EXOC4: variants seen among roughly 807,000 people sequenced by gnomAD.
The protein encoded by EXOC4 is SEC8-like 1.
In EXOC4, 71 loss-of-function variants were observed where a neutral mutation model predicts 107.2. The ratio of observed to expected loss-of-function variants is 0.66; its 90% CI spans 0.55 to 0.81. EXOC4 has a LOEUF of 0.81. EXOC4 is among the 30% of genes least tolerant of loss of function. The pLI, the probability that EXOC4 is intolerant of heterozygous loss-of-function variation, is 0.00. For synonymous variants in EXOC4, 456 were observed against 441.2 expected (o/e 1.03, Z -0.42); for missense variants, 1,108 against 1,189.6 (o/e 0.93, Z 1.01).
intron 11 of EXOC4, among the ~76,000 whole-genome samples, chr7:133,867,498 G>T (rs1798665869): frequency 6.6e-6 from 1 of 152,126 alleles, no homozygotes; most frequent in South Asian, 2.1e-4. Flanking sequence ...TTTTAGGGGG[G>T]CATTTCTTGG....
intron 17 of EXOC4, among the ~76,000 whole-genome samples, chr7:134,028,582 G>A (rs1358859897): frequency 2.6e-5 from 4 of 152,190 alleles, no homozygotes; most frequent in African/African-American, 9.7e-5. Flanking sequence ...GTGGAGGGTG[G>A]CTGGACTTCT....
chr7:133,679,721 A>G (rs1450320769), intron 10 of EXOC4, among the ~76,000 whole-genome samples: 1 of 152,228 alleles, frequency 6.6e-6, no homozygotes, highest in Non-Finnish European at 1.5e-5. Flanking sequence ...TGACATTGCC[A>G]GTCATTATTT....
intron 14 of EXOC4, among the ~76,000 whole-genome samples, chr7:133,972,107 T>A (rs1801255799): frequency 6.6e-6 from 1 of 152,212 alleles, no homozygotes; most frequent in Non-Finnish European, 1.5e-5. Flanking sequence ...TCTGAGCTAA[T>A]TAGAAAACTA....
intron 14 of EXOC4, among the ~76,000 whole-genome samples, chr7:133,974,035 G>A (rs1428580381): frequency 6.6e-6 from 1 of 152,152 alleles, no homozygotes; most frequent in Non-Finnish European, 1.5e-5. Context: ...ATTCATGAGG[G>A]TAGAACCCTC....
chr7:133,768,310 TTAAG>T (rs1449558090), intron 10 of EXOC4: 1 of 151,962 alleles, frequency 6.6e-6, no homozygotes, highest in Non-Finnish European at 1.5e-5. Flanking sequence ...ATTTTTTTAA[TTAAG>T]AAAAAGTGCA....
chr7:133,697,180 G>T (rs1360121189), intron 10 of EXOC4, among the ~76,000 whole-genome samples: 1 of 152,122 alleles, frequency 6.6e-6, no homozygotes, highest in Non-Finnish European at 1.5e-5. Context: ...CATGCTTCAA[G>T]ATAAAGAGAT....
chr7:134,026,379 C>G (rs1410409352), intron 17 of EXOC4, among the ~76,000 whole-genome samples: 2 of 151,610 alleles, frequency 1.3e-5, no homozygotes, highest in Non-Finnish European at 2.9e-5. Flanking sequence ...TGAGCCAATT[C>G]CTGTGGCCCA....
intron 7 of EXOC4, among the ~76,000 whole-genome samples, chr7:133,388,578 A>G (rs1222791263): frequency 1.3e-5 from 2 of 152,004 alleles, no homozygotes; most frequent in Non-Finnish European, 2.9e-5. Context: ...TGAACCGGGG[A>G]GGTGGAGGCT....
intron 1 of EXOC4, among the ~76,000 whole-genome samples, chr7:133,259,206 A>G (rs1273443841): frequency 6.6e-6 from 1 of 151,922 alleles, no homozygotes; most frequent in African/African-American, 2.4e-5. Flanking sequence ...ACAGTAGGGA[A>G]GAAAAAATCA....
chr7:134,029,042 G>C (rs1585334324), intron 17 of EXOC4, among the ~76,000 whole-genome samples: 1 of 152,204 alleles, frequency 6.6e-6, no homozygotes, highest in Non-Finnish European at 1.5e-5. Flanking sequence ...ACCCACCCAG[G>C]TGGTTTTCTC....
At chr7:133,679,895 G>A (rs1423697575) in intron 10 of EXOC4, among the ~76,000 whole-genome samples, 1 of 152,216 alleles carries the variant, frequency 6.6e-6, no homozygotes, top group African/African-American at 2.4e-5. Context: ...GGAAAAGAAG[G>A]TTTAGAGTGG....
At chr7:133,608,076 G>A (rs1422981622) in intron 9 of EXOC4, among the ~76,000 whole-genome samples, 1 of 152,122 alleles carries the variant, frequency 6.6e-6, no homozygotes, top group African/African-American at 2.4e-5. Flanking sequence ...TCAACTCAAA[G>A]TTGTTCAGAA....
At chr7:133,304,906 G>A (rs1015798855) in intron 3 of EXOC4, among the ~76,000 whole-genome samples, 1 of 152,168 alleles carries the variant, frequency 6.6e-6, no homozygotes, top group Non-Finnish European at 1.5e-5. Flanking sequence ...GCTCACTTGT[G>A]TTCTTTCCCT....
At chr7:133,693,940 G>A (rs1326996046) in intron 10 of EXOC4, among the ~76,000 whole-genome samples, 1 of 152,142 alleles carries the variant, frequency 6.6e-6, no homozygotes, top group Non-Finnish European at 1.5e-5. Context: ...GAGTCTCACA[G>A]AGTAACCCCT....
At chr7:133,426,449 A>G (rs1797728457) in intron 7 of EXOC4, among the ~76,000 whole-genome samples, 1 of 152,258 alleles carries the variant, frequency 6.6e-6, no homozygotes, top group Non-Finnish European at 1.5e-5. Flanking sequence ...CAAATTAATT[A>G]CATGCAAATA....
chr7:133,305,265 C>T (rs562241831), intron 3 of EXOC4, among the ~76,000 whole-genome samples: 52 of 152,136 alleles, frequency 3.4e-4, no homozygotes, highest in Non-Finnish European at 6.8e-4. Flanking sequence ...TTTTGTCTTC[C>T]AGTCACCATT....
At chr7:133,706,471 T>C (rs1162382543) in intron 10 of EXOC4, among the ~76,000 whole-genome samples, 2 of 152,190 alleles carry the variant, frequency 1.3e-5, no homozygotes, top group Non-Finnish European at 2.9e-5. Context: ...CTAAGAGCCC[T>C]CTCTGATAGG....
chr7:133,710,635 G>A (rs1794868932), intron 10 of EXOC4, among the ~76,000 whole-genome samples: 1 of 147,230 alleles, frequency 6.8e-6, no homozygotes. Context: ...ACTCCAGCCT[G>A]GGCGACAGAG....
At chr7:133,908,098 C>G (rs548046710) in intron 12 of EXOC4, among the ~76,000 whole-genome samples, 1 of 152,216 alleles carries the variant, frequency 6.6e-6, no homozygotes, top group South Asian at 2.1e-4. Flanking sequence ...AATTCTGTAG[C>G]AAGCAGCCAG....
Sources: allele counts gnomAD v4.1 joint callset (sites outside exome capture counted in the v4.1 genomes callset), GRCh38; gene constraint gnomAD v4.1.1; transcripts MANE v1.5; gene names NCBI Gene and HGNC (gene_info 2026-07-23, HGNC 2026-07-21).